Variants in BOK observed in about 807,000 individuals in gnomAD.
BOK encodes the protein BCL2 family apoptosis regulator BOK, also known as bcl-2-related ovarian killer protein.
In BOK, 20 loss-of-function variants were observed where a neutral mutation model predicts 18.3. The ratio of observed to expected loss-of-function variants is 1.09; its 90% confidence interval spans 0.77 to 1.59. The LOEUF (loss-of-function observed/expected upper bound fraction) is 1.59. Among genes scored for constraint, BOK ranks in the 40% most tolerant of loss-of-function variants. The pLI, the probability that BOK is intolerant of heterozygous loss-of-function variation, is 0.00. For synonymous variants in BOK, 173 were observed against 142.4 expected, an observed-to-expected ratio of 1.21 and a Z score of -1.53; for missense variants, 348 against 307.9, an observed-to-expected ratio of 1.13 and a Z score of -0.97.
chr2:241,571,279 C>A (rs949640661), intron 4 of BOK, among the ~76,000 whole-genome samples: 1 of 147,706 alleles, frequency 6.8e-6, no homozygotes, highest in Non-Finnish European at 1.5e-5. Flanking sequence ...TCTGTCTCCA[C>A]GCCCCCAACT....
At chr2:241,557,886 G>A (rs533251337), upstream of BOK, among the ~76,000 whole-genome samples, 2 of 152,222 alleles carry the variant, frequency 1.3e-5, no homozygotes, top group East Asian at 1.9e-4. Flanking sequence ...CTTGTATAAG[G>A]TCCATGATAT....
chr2:241,572,162 C>T, intron 4 of BOK, 135 bp from the exon 5 acceptor site: 1 of 1,374,626 alleles, frequency 7.3e-7, no homozygotes, highest in Non-Finnish European at 9.8e-7. Context: ...CACAGACCTC[C>T]TTCCCGAACA....
rs2066550209 is a variant in BOK, at chr2:241,562,727, G to C, written c.349+251G>C. On this transcript the variant is annotated intron_variant, in intron 3 of 4. Transcript: ENST00000318407. The surrounding 1 kb of genome is among the most constrained non-coding windows in gnomAD (Gnocchi z 4.5). Reference sequence around the variant, plus strand: ...AGCAGCTGGCACAGGCTTCTTGATTGGTTGTAGTTGTGGTCCAGCATCCGT... The same window carrying C: ...AGCAGCTGGCACAGGCTTCTTGATTCGTTGTAGTTGTGGTCCAGCATCCGT... Among the ~76,000 whole-genome samples, 1 of 152,210 alleles carries C rather than the reference G, an allele frequency of 6.6e-6. No homozygotes were observed. Among genetic ancestry groups the C allele is most frequent in the Non-Finnish European group, 1.5e-5 (1 of 68,038 alleles).
intron 3 of BOK, among the ~76,000 whole-genome samples, chr2:241,563,235 G>A (rs541461709): frequency 2.0e-5 from 3 of 152,280 alleles, no homozygotes; most frequent in Admixed American, 2.0e-4. Flanking sequence ...CTCGGTGCCC[G>A]CTGTCCACTT....
At chr2:241,572,116 C>T (rs1293465503) in intron 4 of BOK, among the ~76,000 whole-genome samples, 181 bp from the exon 5 acceptor site, 1 of 152,248 alleles carries the variant, frequency 6.6e-6, no homozygotes, top group East Asian at 1.9e-4. Context: ...TGCACGGCAT[C>T]GGGTCTGGTC....
rs557957948 is a variant in BOK at position 241,572,217 on chromosome 2, A to ACGGTGCTGGGGGGCCTGG, written c.514-67_514-50dup. ...TGCAATTTTGCTGATATTCTGGTGC[A>ACGGTGCTGGGGGGCCTGG]CGGTGCTGGGGGGCCTGGCGGTGCT... On this transcript the variant is annotated intron_variant, in intron 4 of 4. Coordinates refer to ENST00000318407, the MANE Select transcript of BOK (RefSeq NM_032515.5). 5.3e-4 allele frequency: 834 copies of ACGGTGCTGGGGGGCCTGG among 1,567,354 alleles called. 3 individuals are homozygous for ACGGTGCTGGGGGGCCTGG. The African/African-American group carries it at 0.01, about 19-fold the overall frequency.
intron 3 of BOK, among the ~76,000 whole-genome samples, chr2:241,566,039 C>T (rs2066606029): frequency 6.6e-6 from 1 of 152,072 alleles, no homozygotes; most frequent in South Asian, 2.1e-4. Context: ...AATCCCAGCA[C>T]TTTGGGAGGC....
chr2:241,563,242 A>G (rs962260239), intron 3 of BOK, among the ~76,000 whole-genome samples: 6 of 152,026 alleles, frequency 3.9e-5, no homozygotes, highest in Non-Finnish European at 8.8e-5. Flanking sequence ...CCCGCTGTCC[A>G]CTTGTCCAGC....
At chr2:241,552,877 T>A (rs1330112749) in intron 1 of BOK, among the ~76,000 whole-genome samples, 2 of 151,892 alleles carry the variant, frequency 1.3e-5, no homozygotes. Context: ...GACCGGGAGG[T>A]GACGGAGGGG....
At chr2:241,558,717 C>T (rs1250771614), upstream of BOK, 1 of 152,266 alleles carries the variant, frequency 6.6e-6, no homozygotes, top group East Asian at 1.9e-4. Flanking sequence ...GTTGCCTTTC[C>T]CTTAGAAGGC....
chr2:241,552,557 C>T (rs1419029380), intron 1 of BOK, among the ~76,000 whole-genome samples: 1 of 152,238 alleles, frequency 6.6e-6, no homozygotes, highest in Non-Finnish European at 1.5e-5. Context: ...CAGGACCCAC[C>T]TATGCCTGAG....
intron 3 of BOK, among the ~76,000 whole-genome samples, chr2:241,564,758 CCCTT>C: frequency 6.6e-6 from 1 of 152,272 alleles, no homozygotes. Flanking sequence ...TCTCAGCCCT[CCCTT>C]GGCCGACGCC....
intron 2 of BOK, among the ~76,000 whole-genome samples, chr2:241,560,536 C>T (rs1161582742): frequency 6.6e-6 from 1 of 152,246 alleles, no homozygotes; most frequent in African/African-American, 2.4e-5. Context: ...TAGGTGGCCC[C>T]TGCCCTTACG....
At chr2:241,556,538 A>G (rs6733504), upstream of BOK, among the ~76,000 whole-genome samples, 73,631 of 145,052 alleles carry the variant, frequency 0.51, 18,697 homozygotes, top group Admixed American at 0.61. Flanking sequence ...AGCCGAGTTT[A>G]CGCCATTGCA....
chr2:241,552,397 G>A (rs2066420716), intron 1 of BOK, among the ~76,000 whole-genome samples: 1 of 152,146 alleles, frequency 6.6e-6, no homozygotes, highest in Non-Finnish European at 1.5e-5. Flanking sequence ...CAGTCCCTCT[G>A]GCCTCTCCAC....
At position 241,559,542 on chromosome 2, in the gene BOK, G is replaced by A. The variant is rs868379171; in HGVS notation, c.59G>A (p.Arg20His). 2.0e-6 allele frequency: 3 copies of A among 1,524,812 alleles called. No homozygotes were observed. Among genetic ancestry groups the A allele is most frequent in the East Asian group, 2.7e-5 (1 of 37,128 alleles). The allele number at this position is 1,524,812 out of a possible 1,614,324, so 94.5% of individuals were successfully genotyped here. ...FAAEIMDAFDRSPTDKELVAQ... is the reference protein window; with the variant it reads ...FAAEIMDAFDHSPTDKELVAQ... The stretch of plus-strand genomic sequence containing the variant: ...GCCGAGATCATGGACGCCTTTGACC[G>A]CTCGCCCACAGACAAGGAGCTGGTG... Residue 20 changes from arginine (R) to histidine (H), a missense_variant, in exon 2 of 5, where the codon CGC becomes CAC. Arg to His is a conservative substitution (Grantham distance 29). Coordinates refer to ENST00000318407, the MANE Select transcript of BOK (RefSeq NM_032515.5).
upstream of BOK, among the ~76,000 whole-genome samples, chr2:241,554,973 C>T (rs2066439620): frequency 6.6e-6 from 1 of 152,096 alleles, no homozygotes; most frequent in Non-Finnish European, 1.5e-5. Flanking sequence ...AAGAGTTCTG[C>T]AGAGACAGAA....
rs555282128 is a variant in BOK at position 241,567,792 on chromosome 2, C to T, written c.350-2333C>T. The stretch of plus-strand genomic sequence containing the variant: ...GTTTTTCCCCATTTCTTTTAATTGA[C>T]GTTAAACTCACATGACATAATTATC... On this transcript the variant is annotated intron_variant, in intron 3 of 4. Coordinates refer to ENST00000318407, the MANE Select transcript of BOK (RefSeq NM_032515.5). Among the ~76,000 whole-genome samples the T allele has an allele frequency of 1.3e-4, 17 of 134,734 alleles. 4 individuals are homozygous for T. Among genetic ancestry groups the T allele is most frequent in the Non-Finnish European group, 2.1e-4 (13 of 63,024 alleles). 88.4% of individuals were successfully genotyped at this position (134,734 alleles called of 152,430 possible).
intron 3 of BOK, among the ~76,000 whole-genome samples, chr2:241,563,536 G>A (rs570067790): frequency 6.6e-6 from 1 of 152,334 alleles, no homozygotes; most frequent in South Asian, 2.1e-4. Context: ...GTGAACCCCG[G>A]GGTGCGCAGG....
Sources: gnomAD v4.1 joint callset for allele counts (sites outside exome capture counted in the v4.1 genomes callset) on GRCh38, gnomAD v4.1.1 for gene constraint, Gnocchi (gnomAD v3.1) non-coding constraint, MANE v1.5 for transcripts, NCBI Gene and HGNC (gene_info 2026-07-23, HGNC 2026-07-21) for gene names.